The following THOC2 variants were observed in gnomAD, a reference collection of about 807,000 sequenced individuals.
THOC2 encodes THO complex subunit 2.
In THOC2, 10 loss-of-function variants were observed where a neutral mutation model predicts 128.4. The ratio of observed to expected loss-of-function variants is 0.08; its 90% confidence interval spans 0.05 to 0.13. THOC2 has a LOEUF of 0.13. THOC2 is among the 10% of genes least tolerant of loss of function. The pLI is 1.00. For synonymous variants in THOC2, 393 were observed against 396.9 expected (o/e 0.99, Z 0.12); for missense variants, 535 against 1,155.7 (o/e 0.46, Z 7.79).
intron 17 of THOC2, 142 bp downstream of exon 17, chrX:123,638,792 A>C (rs1392457645): frequency 9.6e-6 from 4 of 415,304 alleles, no homozygotes; most frequent in Non-Finnish European, 1.7e-5. Context: ...ACACACACAC[A>C]CACAATTGAC....
chrX:123,639,092 A>AG, intron 16 of THOC2, 65 bp from the exon 17 acceptor site: 1 of 472,417 alleles, frequency 2.1e-6, no homozygotes, highest in Non-Finnish European at 3.6e-6. Flanking sequence ...GTGCCAACTA[A>AG]GTAATGGCTA....
chrX:123,678,898 T>C (rs1457311539), intron 8 of THOC2, among the ~76,000 whole-genome samples: 1 of 111,001 alleles, frequency 9.0e-6, no homozygotes, highest in Non-Finnish European at 1.9e-5. Context: ...CAATCACACC[T>C]ACCCAACTAT....
intron 12 of THOC2, among the ~76,000 whole-genome samples, chrX:123,650,279 G>A (rs1207190295): frequency 3.6e-5 from 4 of 111,729 alleles, no homozygotes; most frequent in African/African-American, 1.3e-4. Context: ...TCACTACCAG[G>A]CCTGCCTTAC....
At chrX:123,627,133 C>G (rs1436688337) in intron 23 of THOC2, among the ~76,000 whole-genome samples, 2 of 112,436 alleles carry the variant, frequency 1.8e-5, no homozygotes, top group Admixed American at 1.9e-4. Context: ...AAATAGCTCT[C>G]AATTTTACCA....
intron 1 of THOC2, among the ~76,000 whole-genome samples, chrX:123,718,189 A>T (rs2051514992): frequency 8.9e-6 from 1 of 112,465 alleles, no homozygotes; most frequent in Admixed American, 9.5e-5. Context: ...ACATAATGGG[A>T]AAAAAGACAG....
chrX:123,684,020 A>T (rs369254647), intron 8 of THOC2, among the ~76,000 whole-genome samples: 15 of 109,892 alleles, frequency 1.4e-4, no homozygotes, highest in Non-Finnish European at 2.7e-4. Flanking sequence ...TATTTCTTAT[A>T]TAAGAAAAAT....
chrX:123,609,411 A>G (rs1187786370), intron 38 of THOC2, among the ~76,000 whole-genome samples: 2 of 112,256 alleles, frequency 1.8e-5, no homozygotes, highest in Non-Finnish European at 3.8e-5. Flanking sequence ...AAAGCACACC[A>G]TTCATCATGT....
Position 123,621,173 on chromosome X carries a change from A to G in THOC2, c.4200T>C (p.Ile1400=). ...TAAACTTGCCCCTTTCAGGCTCTGG[A>G]ATATCTGATCTGGGAACAGGTGATT... ...SLKSPVPRSD[I]PEPEREQKRR... is the part of the protein sequence containing the mutation. The change falls in exon 31 of 39, where the codon ATT becomes ATC. Residue 1400 remains isoleucine (I), a synonymous_variant. Transcript: ENST00000245838. 8.3e-7 allele frequency: 1 copy of G among 1,202,681 alleles called. No individual in the cohort carries two copies.
At chrX:123,726,208 C>CA (rs2051978641) in intron 1 of THOC2, among the ~76,000 whole-genome samples, 3 of 107,155 alleles carry the variant, frequency 2.8e-5, no homozygotes, top group African/African-American at 6.8e-5. Flanking sequence ...GACTCTGTCT[C>CA]AAAAAAAATA....
chrX:123,718,166 G>T (rs768413344), intron 1 of THOC2, among the ~76,000 whole-genome samples: 1 of 112,012 alleles, frequency 8.9e-6, no homozygotes, highest in Non-Finnish European at 1.9e-5. Context: ...TTTCAACAAA[G>T]GGTACCAAGA....
At chrX:123,611,340 T>G in intron 37 of THOC2, 100 bp downstream of exon 37, 1 of 629,905 alleles carries the variant, frequency 1.6e-6, no homozygotes. Context: ...AATCAGCCCT[T>G]AAGCATATAA....
intron 33 of THOC2, among the ~76,000 whole-genome samples, chrX:123,615,952 G>A (rs2046878447): frequency 9.0e-6 from 1 of 110,713 alleles, no homozygotes; most frequent in South Asian, 3.7e-4. Flanking sequence ...CTTAGTTTAG[G>A]CATTCCAAAC....
At chrX:123,656,240 T>C (rs1221626590) in intron 12 of THOC2, among the ~76,000 whole-genome samples, 1 of 102,859 alleles carries the variant, frequency 9.7e-6, no homozygotes, top group Non-Finnish European at 2.0e-5. Context: ...GGAGAATAGC[T>C]TGAACCCGTG....
chrX:123,621,931 G>GCTA (rs2047099435), intron 30 of THOC2, among the ~76,000 whole-genome samples: 1 of 110,694 alleles, frequency 9.0e-6, no homozygotes, highest in Non-Finnish European at 1.9e-5. Flanking sequence ...TGTAATCCCA[G>GCTA]CTACTCTGGA....
At chrX:123,639,832 C>G (rs2047838035) in intron 16 of THOC2, among the ~76,000 whole-genome samples, 1 of 111,773 alleles carries the variant, frequency 8.9e-6, no homozygotes, top group Non-Finnish European at 1.9e-5. Flanking sequence ...GGAAATAATT[C>G]CAGGCCTAAA....
intron 15 of THOC2, 132 bp from the exon 16 acceptor site, chrX:123,640,754 C>A (rs1247485709): frequency 8.1e-6 from 3 of 369,420 alleles, no homozygotes; most frequent in Non-Finnish European, 1.4e-5. Context: ...ATGTAAACAA[C>A]TACATTCATC....
chrX:123,731,909 G>A (rs1388130529), intron 1 of THOC2, among the ~76,000 whole-genome samples: 1 of 111,826 alleles, frequency 8.9e-6, no homozygotes, highest in Non-Finnish European at 1.9e-5. Flanking sequence ...GGTGGGCAAG[G>A]ACGACAAAAA....
Position 123,705,162 on chromosome X carries a change from GC to G in THOC2, c.223-1658del, listed in dbSNP as rs2050875296. Among the ~76,000 whole-genome samples the G allele has an allele frequency of 2.7e-5, 3 of 111,938 alleles. No individual in the cohort carries two copies. The South Asian group carries it at 1.1e-3, about 42-fold the overall frequency. On this transcript the variant is annotated intron_variant, in intron 3 of 38. Transcript: ENST00000245838. ...GGACAGTATATAGTACTAAGAGAAA[GC>G]CATGACAAAGACAATCAAGCTGCAG...
At chrX:123,715,587 G>C (rs1375835802) in intron 1 of THOC2, among the ~76,000 whole-genome samples, 1 of 107,850 alleles carries the variant, frequency 9.3e-6, no homozygotes, top group East Asian at 3.0e-4. Flanking sequence ...TTCAAGATCA[G>C]CCTGGGCAAC....
Sources: allele counts gnomAD v4.1 joint callset (sites outside exome capture counted in the v4.1 genomes callset), GRCh38; gene constraint gnomAD v4.1.1; transcripts MANE v1.5; gene names NCBI Gene and HGNC (gene_info 2026-07-23, HGNC 2026-07-21).